TYW1B: variants seen among roughly 807,000 people sequenced by gnomAD.
TYW1B encodes the protein S-adenosyl-L-methionine-dependent tRNA 4-demethylwyosine synthase TYW1B.
A neutral mutation model predicts 86.9 loss-of-function variants in TYW1B; 73 were observed. The observed-to-expected ratio is 0.84, with a 90% CI of 0.70 to 1.02. TYW1B has a LOEUF of 1.02. Ranked by LOEUF, TYW1B falls within the 50% of genes least tolerant of loss-of-function variation. TYW1B has a pLI of 0.00. For synonymous variants in TYW1B, 248 were observed against 292.8 expected (o/e 0.85, Z 1.56); for missense variants, 637 against 827.4 (o/e 0.77, Z 2.82).
chr7:72,791,178 G>T (rs1554473306), intron 6 of TYW1B, among the ~76,000 whole-genome samples: 1 of 152,010 alleles, frequency 6.6e-6, no homozygotes, highest in African/African-American at 2.4e-5. Context: ...ATGTATAATT[G>T]GTATGCACTC....
chr7:72,781,214 CA>C (rs1258316023), intron 6 of TYW1B, among the ~76,000 whole-genome samples: 1 of 151,998 alleles, frequency 6.6e-6, no homozygotes, highest in East Asian at 1.9e-4. Flanking sequence ...ATACCAGAGG[CA>C]ATCAGAACTA....
chr7:72,822,207 T>G (rs1235998226), intron 2 of TYW1B, among the ~76,000 whole-genome samples: 6 of 78,022 alleles, frequency 7.7e-5, no homozygotes, highest in South Asian at 4.0e-4. Context: ...AAAAGAAGAA[T>G]AAAAAGAAAA....
chr7:72,809,765 C>T (rs781905764), intron 4 of TYW1B, among the ~76,000 whole-genome samples: 6 of 151,960 alleles, frequency 3.9e-5, no homozygotes, highest in Admixed American at 1.3e-4. Context: ...TCTGGGAGGC[C>T]GAGGTGGGTG....
chr7:72,753,297 C>G (rs1268042951), intron 7 of TYW1B, among the ~76,000 whole-genome samples: 5 of 151,488 alleles, frequency 3.3e-5, no homozygotes, highest in African/African-American at 1.2e-4. Flanking sequence ...TAATGGTTGA[C>G]AGAAAACTAG....
chr7:72,691,160 T>C (rs1258013797), intron 11 of TYW1B, among the ~76,000 whole-genome samples: 1 of 151,430 alleles, frequency 6.6e-6, no homozygotes, highest in Non-Finnish European at 1.5e-5. Flanking sequence ...TAGCATCTAC[T>C]ATGTCTTATA....
At chr7:72,769,640 A>G (rs1554469164) in intron 7 of TYW1B, among the ~76,000 whole-genome samples, 1 of 152,248 alleles carries the variant, frequency 6.6e-6, no homozygotes, top group African/African-American at 2.4e-5. Context: ...AAATATTCAC[A>G]GTGCACATTC....
chr7:72,716,399 A>C lies in TYW1B; in HGVS notation c.1193-2601T>G, dbSNP rs868930480. Reference sequence around the variant, plus strand: ...AATTTGCTATTACCACCTTTATCCTAGTTTATGAAACTGATTCGATCCCAG... The same window carrying C: ...AATTTGCTATTACCACCTTTATCCTCGTTTATGAAACTGATTCGATCCCAG... On this transcript the variant is annotated intron_variant, in intron 9 of 13. Transcript: ENST00000620995. Among the ~76,000 whole-genome samples the C allele has an allele frequency of 1.3e-3, 184 of 145,072 alleles. 1 individual carries two copies. Among genetic ancestry groups the C allele is most frequent in the Admixed American group, 6.1e-3 (89 of 14,548 alleles).
Position 72,813,459 on chromosome 7 carries a change from G to A in TYW1B, c.237+1921C>T, listed in dbSNP as rs186115984. Among the ~76,000 whole-genome samples the A allele has an allele frequency of 6.6e-3, 1,011 of 152,166 alleles. 15 individuals are homozygous for A. The highest frequency in any genetic ancestry group is 0.021 in the African/African-American group (873 of 41,534). ...CCAAAGTGTTGGGATTACAGGCGTGGGCCACCACGCCCAGCCTCTAACTGC... is the reference window on the plus strand; with the variant it reads ...CCAAAGTGTTGGGATTACAGGCGTGAGCCACCACGCCCAGCCTCTAACTGC... On this transcript the variant is annotated intron_variant, in intron 3 of 13. Coordinates refer to ENST00000620995, the MANE Select transcript of TYW1B (RefSeq NM_001145440.3).
intron 8 of TYW1B, among the ~76,000 whole-genome samples, chr7:72,732,668 AT>A (rs1412853811): frequency 6.6e-6 from 1 of 152,188 alleles, no homozygotes; most frequent in African/African-American, 2.4e-5. Flanking sequence ...ATGTAGAATG[AT>A]TTCAAATATC....
chr7:72,671,726 G>T (rs1345934216), intron 11 of TYW1B, among the ~76,000 whole-genome samples: 1 of 151,550 alleles, frequency 6.6e-6, no homozygotes, highest in African/African-American at 2.4e-5. Flanking sequence ...TTTAATGATT[G>T]GCAGTAGTAT....
chr7:72,588,062 G>T (rs1329222017), intron 13 of TYW1B, among the ~76,000 whole-genome samples: 4 of 152,168 alleles, frequency 2.6e-5, no homozygotes, highest in Admixed American at 6.5e-5. Flanking sequence ...AGATCACAAG[G>T]GCAGACTTGT....
At chr7:72,695,985 G>A (rs1814310357) in intron 10 of TYW1B, among the ~76,000 whole-genome samples, 1 of 131,570 alleles carries the variant, frequency 7.6e-6, no homozygotes, top group African/African-American at 2.9e-5. Context: ...GTCTCCCTCT[G>A]CCATCCAGGC....
Position 72,719,086 on chromosome 7 carries a change from CACATGCAAA to C in TYW1B, c.1193-5297_1193-5289del, listed in dbSNP as rs548531626. 3.4e-3 allele frequency among the ~76,000 whole-genome samples: 516 copies of C among 152,180 alleles called. 8 individuals are homozygous for C. Among genetic ancestry groups the C allele is most frequent in the South Asian group, 0.012 (58 of 4,818 alleles). On this transcript the variant is annotated intron_variant, in intron 9 of 13. Transcript: ENST00000620995. ...AATGGGGTGCCAGGCCCAGCACATA[CACATGCAAA>C]ACATGCTAGCTGCAAATATTTTTAT...
chr7:72,822,771 C>G (rs781892531), intron 2 of TYW1B: 1 of 152,204 alleles, frequency 6.6e-6, no homozygotes, highest in African/African-American at 2.4e-5. Flanking sequence ...ACAGAAGGAT[C>G]GCTTGAGGCC....
At chr7:72,725,021 C>T (rs1554458432) in intron 9 of TYW1B, among the ~76,000 whole-genome samples, 1 of 152,116 alleles carries the variant, frequency 6.6e-6, no homozygotes, top group African/African-American at 2.4e-5. Context: ...ATTTGAGATG[C>T]CTGCTGATTA....
intron 6 of TYW1B, among the ~76,000 whole-genome samples, chr7:72,785,265 GTTAATTA>G (rs1788107780): frequency 6.7e-6 from 1 of 149,176 alleles, no homozygotes; most frequent in Non-Finnish European, 1.5e-5. Context: ...TCTTATATAA[GTTAATTA>G]TTAATTATTA....
intron 12 of TYW1B, among the ~76,000 whole-genome samples, chr7:72,622,711 C>T (rs1812252261): frequency 6.7e-6 from 1 of 149,426 alleles, no homozygotes; most frequent in Admixed American, 6.6e-5. Context: ...CACACATGCA[C>T]ACACACAACA....
At chr7:72,790,981 T>A (rs1294130592) in intron 6 of TYW1B, among the ~76,000 whole-genome samples, 1 of 152,170 alleles carries the variant, frequency 6.6e-6, no homozygotes, top group Non-Finnish European at 1.5e-5. Context: ...CTGTAAAGAA[T>A]CTTGGCATAC....
intron 5 of TYW1B, among the ~76,000 whole-genome samples, chr7:72,803,184 C>A (rs553260747): frequency 6.6e-6 from 1 of 152,166 alleles, no homozygotes; most frequent in South Asian, 2.1e-4. Context: ...CCAGCCTGGG[C>A]AACATAGTGA....
Sources: gnomAD v4.1 joint callset for allele counts (sites outside exome capture counted in the v4.1 genomes callset) on GRCh38, gnomAD v4.1.1 for gene constraint, MANE v1.5 for transcripts, NCBI Gene and HGNC (gene_info 2026-07-23, HGNC 2026-07-21) for gene names.